ARHGAP27: variants seen among roughly 807,000 people sequenced by gnomAD.
ARHGAP27 encodes rho GTPase-activating protein 27.
In ARHGAP27, 53 loss-of-function variants were observed where a neutral mutation model predicts 102.0. The ratio of observed to expected loss-of-function variants is 0.52; its 90% CI spans 0.42 to 0.65. The LOEUF (loss-of-function observed/expected upper bound fraction) is 0.65. Ranked by LOEUF, ARHGAP27 falls within the 30% of genes least tolerant of loss-of-function variation. The pLI, the probability that ARHGAP27 is intolerant of heterozygous loss-of-function variation, is 0.00. For missense variants in ARHGAP27, 1,117 were observed against 1,256.2 expected, an observed-to-expected ratio of 0.89 and a Z score of 1.68; for synonymous variants, 525 against 542.8, an observed-to-expected ratio of 0.97 and a Z score of 0.46.
chr17:45,424,735 G>A (rs557041606), intron 4 of ARHGAP27, among the ~76,000 whole-genome samples: 7 of 152,164 alleles, frequency 4.6e-5, no homozygotes, highest in African/African-American at 1.7e-4. Context: ...GTCGGGTGAC[G>A]GGTGCACCAA....
chr17:45,426,577 C>A (rs774328149), intron 4 of ARHGAP27, among the ~76,000 whole-genome samples: 2 of 151,792 alleles, frequency 1.3e-5, no homozygotes, highest in Non-Finnish European at 2.9e-5. Context: ...CTCCCCAGTG[C>A]CCCCGTGCCA....
At chr17:45,425,657 A>G in intron 4 of ARHGAP27, 1 of 985,292 alleles carries the variant, frequency 1.0e-6, no homozygotes, top group Non-Finnish European at 1.2e-6. Context: ...CTGCTTGTAT[A>G]AGAAGGTGCA....
At position 45,417,477 on chromosome 17, in the gene ARHGAP27, T is replaced by C. The variant is rs1315437404; in HGVS notation, c.658-11394A>G. On this transcript the variant is annotated intron_variant, in intron 4 of 19. Transcript: ENST00000685559. ...AGACTCAGTATCAAAAAAAAAAAAA[T>C]TCTTTTTGTCTGGGCATGGTGGCTC... is the stretch of plus-strand genomic sequence containing the variant. Among the ~76,000 whole-genome samples, 6 of 147,864 alleles carry C rather than the reference T, an allele frequency of 4.1e-5. No individual in the cohort carries two copies. In the East Asian group the frequency reaches 1.2e-3, roughly 30 times the overall value.
At position 45,427,159 on chromosome 17, in the gene ARHGAP27, A is replaced by G. The variant is rs1233664064; in HGVS notation, c.657+2464T>C. ...ATCCATCTCCCAAACCTCTGTTTCC[A>G]CACATGCCCACGAGACCACCAAGAG... is the stretch of plus-strand genomic sequence containing the variant. On this transcript the variant is annotated intron_variant, in intron 4 of 19. Transcript: ENST00000685559. The surrounding 1 kb of genome is among the most constrained non-coding windows in gnomAD (Gnocchi z 4.5). Among the ~76,000 whole-genome samples, 1 of 151,416 alleles carries G rather than the reference A, an allele frequency of 6.6e-6. No homozygotes were observed. The highest frequency in any genetic ancestry group is 1.5e-5 in the Non-Finnish European group (1 of 67,860).
Position 45,404,591 on chromosome 17 carries a change from AG to A in ARHGAP27, c.1329+9del. 1 of 1,613,512 alleles carries A rather than the reference AG, an allele frequency of 6.2e-7. No individual in the cohort carries two copies. Among genetic ancestry groups the A allele is most frequent in the Non-Finnish European group, 8.5e-7 (1 of 1,179,522 alleles). ...CTCTCCCCAACACCCCCCTTTCCCCAGGTTGTTACCTGGGGCAGCTCCCATC... is the reference window on the plus strand; with the variant it reads ...CTCTCCCCAACACCCCCCTTTCCCCAGTTGTTACCTGGGGCAGCTCCCATC... On this transcript the variant is annotated intron_variant, in intron 7 of 19. Coordinates refer to ENST00000685559, the MANE Select transcript of ARHGAP27 (RefSeq NM_001282290.2).
intron 13 of ARHGAP27, chr17:45,397,249 A>G: frequency 7.1e-7 from 1 of 1,408,046 alleles, no homozygotes; most frequent in South Asian, 1.6e-5. Context: ...AGAGACAGTC[A>G]TCCTGTTCTC....
Position 45,395,229 on chromosome 17 carries a change from G to C in ARHGAP27, c.*227C>G, listed in dbSNP as rs1231248411. On this transcript the variant is annotated 3_prime_UTR_variant, in exon 20 of 20. Coordinates refer to ENST00000685559, the MANE Select transcript of ARHGAP27 (RefSeq NM_001282290.2). ...AACCGAATTAACCCCCAAACAGGAC[G>C]TGACGGGAAGGGAAGGGGGGATGGG... 3.4e-6 allele frequency: 2 copies of C among 594,866 alleles called. No homozygotes were observed. The highest frequency in any genetic ancestry group is 5.8e-5 in the East Asian group (2 of 34,354). The allele number at this position is 594,866 out of a possible 1,614,324, so 36.8% of individuals were successfully genotyped here. A position where few individuals can be genotyped will look rare whatever the true frequency, so the allele number is the denominator to read the frequency against.
intron 4 of ARHGAP27, chr17:45,410,299 C>G: frequency 6.6e-7 from 1 of 1,524,246 alleles, no homozygotes; most frequent in East Asian, 2.5e-5. Flanking sequence ...CCTGGCCCCT[C>G]TGAACTGCCG....
intron 4 of ARHGAP27, among the ~76,000 whole-genome samples, chr17:45,413,615 C>T (rs1023898276): frequency 6.6e-6 from 1 of 152,028 alleles, no homozygotes; most frequent in Non-Finnish European, 1.5e-5. Flanking sequence ...TTTCTGACTT[C>T]GGGTTTCGAT....
intron 4 of ARHGAP27, among the ~76,000 whole-genome samples, chr17:45,426,693 C>T (rs2049639476): frequency 6.6e-6 from 1 of 152,070 alleles, no homozygotes; most frequent in African/African-American, 2.4e-5. Context: ...CTCCTGCCCA[C>T]CCACCTGAGC....
In ARHGAP27 at chr17:45,427,719, C is replaced by T. The variant is rs1282392052; in HGVS notation, c.657+1904G>A. Among the ~76,000 whole-genome samples the T allele has an allele frequency of 3.9e-5, 6 of 152,184 alleles. No homozygotes were observed. Among genetic ancestry groups the T allele is most frequent in the Non-Finnish European group, 7.4e-5 (5 of 68,024 alleles). On this transcript the variant is annotated intron_variant, in intron 4 of 19. Coordinates refer to ENST00000685559, the MANE Select transcript of ARHGAP27 (RefSeq NM_001282290.2). The surrounding 1 kb of genome is among the most constrained non-coding windows in gnomAD (Gnocchi z 4.5). ...AGGAAACAGGACCAGAGATGCAAAG[C>T]GACTTGTGGAGGTCACAAGTGGGGC...
Position 45,396,767 on chromosome 17 carries a change from C to T in ARHGAP27, c.1975G>A (p.Gly659Ser), listed in dbSNP as rs1277915206. 1.9e-6 allele frequency: 3 copies of T among 1,613,076 alleles called. No homozygotes were observed. Among genetic ancestry groups the T allele is most frequent in the Middle Eastern group, 1.7e-4 (1 of 6,054 alleles). The change falls in exon 15 of 20, where the codon GGC becomes AGC. Residue 659 changes from glycine (G) to serine (S), a missense_variant. Physicochemically the swap from Gly to Ser is moderately conservative, Grantham distance 56 (BLOSUM62 0). Coordinates refer to ENST00000685559, the MANE Select transcript of ARHGAP27 (RefSeq NM_001282290.2). ...NAAAPALGPV[G>S]LESDLSKVRH... ...ACCTTGCTCAAGTCGCTCTCCAGGC[C>T]CACGGGGCCCAGGGCGGGCGCGGCT...
chr17:45,410,208 C>A (rs35327136), intron 4 of ARHGAP27: 251,313 of 1,532,866 alleles, frequency 0.16, 22,712 homozygotes, highest in Middle Eastern at 0.19. Context: ...CCACCGGGCA[C>A]CCCTTGACCC....
chr17:45,403,625 G>T lies in ARHGAP27; in HGVS notation c.1632C>A (p.Gly544=). The T allele has an allele frequency of 6.2e-7, 1 of 1,613,582 alleles. No homozygotes were observed. The highest frequency in any genetic ancestry group is 8.5e-7 in the Non-Finnish European group (1 of 1,179,844). Residue 544 remains glycine, a synonymous_variant, in exon 11 of 20, where the codon GGC becomes GGA. Transcript: ENST00000685559. ...CCTGAGGGCCTGGCCTTACCAGGCC[G>T]CCTGCAGCCGAGGTCTTTGAGTCCT... is the stretch of plus-strand genomic sequence containing the variant. ...FFKDSKTSAA[G]GLRQPSKFST... is the part of the protein sequence containing the mutation.
chr17:45,410,641 A>C (rs1422673655), intron 4 of ARHGAP27, among the ~76,000 whole-genome samples: 1 of 152,140 alleles, frequency 6.6e-6, no homozygotes, highest in Non-Finnish European at 1.5e-5. Flanking sequence ...CATGAACTGC[A>C]CAGAGAGAAT....
In ARHGAP27 at chr17:45,406,045, C is replaced by T. The variant is rs754148443; in HGVS notation, c.696G>A (p.Glu232=). ...DPPEPVYANI[E]RQPRATSPGA... The stretch of plus-strand genomic sequence containing the variant: ...CCGGTGAAGTGGCCCGGGGCTGCCT[C>T]TCTATGTTCGCGTACACGGGCTCCG... The change falls in exon 5 of 20, where the codon GAG becomes GAA. Residue 232 remains glutamate, a synonymous_variant. Transcript: ENST00000685559. The T allele has an allele frequency of 6.5e-7, 1 of 1,532,752 alleles. No individual in the cohort carries two copies. The highest frequency in any genetic ancestry group is 8.7e-7 in the Non-Finnish European group (1 of 1,144,624). 94.9% of individuals were successfully genotyped at this position (1,532,752 alleles called of 1,614,324 possible).
At chr17:45,406,216 T>A in intron 4 of ARHGAP27, 133 bp from the exon 5 acceptor site, 1 of 1,114,336 alleles carries the variant, frequency 9.0e-7, no homozygotes, top group Non-Finnish European at 1.2e-6. Context: ...TTCTGCAGCC[T>A]CAAAATTTTG....
At chr17:45,429,474 T>C in intron 4 of ARHGAP27, 149 bp downstream of exon 4, 2 of 1,484,496 alleles carry the variant, frequency 1.3e-6, no homozygotes, top group Non-Finnish European at 1.8e-6. Flanking sequence ...GTTTCGCGGT[T>C]GGGGAGAGGG....
chr17:45,416,468 T>C (rs1277242232), intron 4 of ARHGAP27, among the ~76,000 whole-genome samples: 1 of 145,924 alleles, frequency 6.9e-6, no homozygotes, highest in Non-Finnish European at 1.5e-5. Flanking sequence ...TCTCTCTCTC[T>C]TTTTTTTTTT....
Sources: gnomAD v4.1 joint callset for allele counts (sites outside exome capture counted in the v4.1 genomes callset) on GRCh38, gnomAD v4.1.1 for gene constraint, Gnocchi (gnomAD v3.1) non-coding constraint, MANE v1.5 for transcripts, NCBI Gene and HGNC (gene_info 2026-07-23, HGNC 2026-07-21) for gene names.